The following EPB41L4A variants were observed in gnomAD, a reference collection of about 807,000 sequenced individuals.
EPB41L4A encodes band 4.1-like protein 4A.
EPB41L4A carries 100 observed loss-of-function variants against 108.6 expected under a neutral mutation model. That is an observed-to-expected ratio of 0.92 (90% CI 0.78 to 1.09). The LOEUF (loss-of-function observed/expected upper bound fraction) is 1.09. Among genes scored for constraint, EPB41L4A ranks in the 50% least tolerant of loss-of-function variants. The pLI is 0.00. For synonymous variants in EPB41L4A, 319 were observed against 289.0 expected, an observed-to-expected ratio of 1.10 and a Z score of -1.05; for missense variants, 1,030 against 842.7, an observed-to-expected ratio of 1.22 and a Z score of -2.75.
chr5:112,300,618 A>G (rs1172576530), intron 2 of EPB41L4A, among the ~76,000 whole-genome samples: 1 of 152,148 alleles, frequency 6.6e-6, no homozygotes. Context: ...CCTGATGACA[A>G]TGTGCCTAGG....
At chr5:112,222,688 C>T (rs771251641) in intron 12 of EPB41L4A, among the ~76,000 whole-genome samples, 27 of 152,174 alleles carry the variant, frequency 1.8e-4, no homozygotes, top group Admixed American at 1.0e-3. Context: ...GTACCTGGAC[C>T]GTAAAGCAGC....
At chr5:112,348,998 A>G (rs1157061885) in intron 1 of EPB41L4A, among the ~76,000 whole-genome samples, 1 of 152,182 alleles carries the variant, frequency 6.6e-6, no homozygotes, top group Non-Finnish European at 1.5e-5. Flanking sequence ...AGTAAAAAGG[A>G]GAATGCAGAG....
At chr5:112,153,543 A>G (rs1418993429) in intron 12 of EPB41L4A, among the ~76,000 whole-genome samples, 1 of 150,300 alleles carries the variant, frequency 6.7e-6, no homozygotes, top group African/African-American at 2.4e-5. Flanking sequence ...AAAAAACAAA[A>G]GAAAAGAAAA....
rs192155346 is a variant in EPB41L4A at position 112,268,959 on chromosome 5, A to T, written c.336-2629T>A. On this transcript the variant is annotated intron_variant, in intron 4 of 22. Transcript: ENST00000261486. The stretch of plus-strand genomic sequence containing the variant: ...AGACAAAAGGAAAGAGGAACAGAGG[A>T]ACAGAGAGATTAAAAATATGTATTA... 2.2e-3 allele frequency among the ~76,000 whole-genome samples: 328 copies of T among 152,206 alleles called. 2 individuals carry two copies. The highest frequency in any genetic ancestry group is 3.4e-3 in the Middle Eastern group (1 of 294).
intron 22 of EPB41L4A, among the ~76,000 whole-genome samples, chr5:112,165,518 T>C (rs1387589846): frequency 1.3e-5 from 2 of 152,168 alleles, no homozygotes; most frequent in Non-Finnish European, 2.9e-5. Flanking sequence ...AATGGAACAA[T>C]GTCTTGTGAG....
chr5:112,388,570 G>A (rs1382252629), intron 1 of EPB41L4A, among the ~76,000 whole-genome samples: 1 of 152,154 alleles, frequency 6.6e-6, no homozygotes. Flanking sequence ...GAGAGAATGG[G>A]AGAGTCAGGA....
intron 1 of EPB41L4A, among the ~76,000 whole-genome samples, chr5:112,378,669 C>T (rs1403392279): frequency 6.6e-6 from 1 of 152,146 alleles, no homozygotes; most frequent in Non-Finnish European, 1.5e-5. Context: ...ATCCTTATTC[C>T]CTCAGTTTCC....
At chr5:112,195,812 C>T in intron 15 of EPB41L4A, 104 bp from the exon 16 acceptor site, 1 of 977,524 alleles carries the variant, frequency 1.0e-6, no homozygotes, top group Non-Finnish European at 1.6e-6. Context: ...ATTTGTCATA[C>T]ATTCATTCAT....
Position 112,284,654 on chromosome 5 carries a change from G to A in EPB41L4A, c.205-4331C>T, listed in dbSNP as rs17322573. On this transcript the variant is annotated intron_variant, in intron 2 of 22. Transcript: ENST00000261486. ...CAAACAGACCCTGCTCTCTGATGTC[G>A]CACAGTCCACTCCTAACATACTGTA... Among the ~76,000 whole-genome samples the A allele has an allele frequency of 5.8e-3, 890 of 152,232 alleles. 2 individuals are homozygous for A. The highest frequency in any genetic ancestry group is 0.014 in the Middle Eastern group (4 of 294).
chr5:112,266,415 A>G, intron 4 of EPB41L4A, 85 bp from the exon 5 acceptor site: 1 of 846,280 alleles, frequency 1.2e-6, no homozygotes, highest in Non-Finnish European at 1.8e-6. Flanking sequence ...AAGGTTAACA[A>G]CCAATCACCT....
At chr5:112,257,108 G>C (rs557037632) in intron 9 of EPB41L4A, 1 of 152,104 alleles carries the variant, frequency 6.6e-6, no homozygotes, top group East Asian at 1.9e-4. Flanking sequence ...GGGTTTTAAG[G>C]GGCTTTTAAA....
intron 7 of EPB41L4A, among the ~76,000 whole-genome samples, chr5:112,260,788 A>G (rs1751440441): frequency 6.6e-6 from 1 of 152,206 alleles, no homozygotes; most frequent in African/African-American, 2.4e-5. Context: ...TGTTATTTCT[A>G]CTCTAAGATA....
At chr5:112,354,473 A>G (rs1489185203) in intron 1 of EPB41L4A, among the ~76,000 whole-genome samples, 1 of 152,232 alleles carries the variant, frequency 6.6e-6, no homozygotes, top group East Asian at 1.9e-4. Flanking sequence ...GCAGATAGGC[A>G]TAGAAAAATG....
At chr5:112,221,266 G>A (rs1285448052) in intron 12 of EPB41L4A, among the ~76,000 whole-genome samples, 1 of 152,036 alleles carries the variant, frequency 6.6e-6, no homozygotes, top group Non-Finnish European at 1.5e-5. Flanking sequence ...TTATCCTTCC[G>A]GACACTTAGA....
At chr5:112,408,772 T>C (rs950735110) in intron 1 of EPB41L4A, among the ~76,000 whole-genome samples, 1 of 106,688 alleles carries the variant, frequency 9.4e-6, no homozygotes, top group African/African-American at 3.9e-5. Context: ...CAGAGAAAAA[T>C]GCAAATGAAC....
chr5:112,258,005 A>G (rs1296904790), intron 9 of EPB41L4A, among the ~76,000 whole-genome samples: 3 of 152,258 alleles, frequency 2.0e-5, no homozygotes, highest in Non-Finnish European at 2.9e-5. Flanking sequence ...GATTTCCTCC[A>G]AACTAAACCA....
intron 18 of EPB41L4A, among the ~76,000 whole-genome samples, chr5:112,172,718 G>A (rs1357930580): frequency 2.0e-5 from 3 of 152,104 alleles, no homozygotes; most frequent in African/African-American, 7.2e-5. Context: ...TGGTTCAGCT[G>A]TGACTATACC....
chr5:112,408,922 A>T lies in EPB41L4A; in HGVS notation c.99+10019T>A, dbSNP rs78236221. Among the ~76,000 whole-genome samples the T allele has an allele frequency of 6.9e-3, 1,043 of 152,150 alleles. 14 individuals are homozygous for T. Among genetic ancestry groups the T allele is most frequent in the African/African-American group, 0.024 (999 of 41,506 alleles). ...GGAAAACAGTTTGGAAGCTCCTCAA[A>T]CTGTTAAACTTTATGACCCAGCAAT... On this transcript the variant is annotated intron_variant, in intron 1 of 22. Transcript: ENST00000261486.
At chr5:112,254,295 C>T (rs1561514511) in intron 9 of EPB41L4A, among the ~76,000 whole-genome samples, 2 of 152,096 alleles carry the variant, frequency 1.3e-5, no homozygotes, top group Admixed American at 6.5e-5. Flanking sequence ...AATCTGCTAC[C>T]AATCAGAAAC....
Sources: allele counts gnomAD v4.1 joint callset (sites outside exome capture counted in the v4.1 genomes callset), GRCh38; gene constraint gnomAD v4.1.1; transcripts MANE v1.5; gene names NCBI Gene and HGNC (gene_info 2026-07-23, HGNC 2026-07-21).